Variants in FOXP2 observed in about 807,000 individuals in gnomAD.
The protein encoded by FOXP2 is forkhead box protein P2.
In FOXP2, 12 loss-of-function variants were observed where a neutral mutation model predicts 115.8. The ratio of observed to expected loss-of-function variants is 0.10; its 90% CI spans 0.07 to 0.17. The LOEUF is 0.17. Ranked by LOEUF, FOXP2 falls within the 10% of genes least tolerant of loss-of-function variation. The pLI, the probability that FOXP2 is intolerant of heterozygous loss-of-function variation, is 1.00. For synonymous variants in FOXP2, 328 were observed against 297.7 expected (o/e 1.10, Z -1.05); for missense variants, 629 against 843.5 (o/e 0.75, Z 3.15).
upstream of FOXP2, among the ~76,000 whole-genome samples, chr7:114,086,939 G>T (rs1799433047): frequency 6.6e-6 from 1 of 152,212 alleles, no homozygotes; most frequent in Admixed American, 6.5e-5. Flanking sequence ...AATGCAAAAT[G>T]TTGCTTCGTC....
chr7:114,549,836 A>C (rs1298586143), intron 3 of FOXP2, among the ~76,000 whole-genome samples: 3 of 152,204 alleles, frequency 2.0e-5, no homozygotes, highest in Non-Finnish European at 4.4e-5. Flanking sequence ...TACATTATAA[A>C]TGTGGAAAAC....
intron 1 of FOXP2, among the ~76,000 whole-genome samples, chr7:114,214,853 A>G (rs1033962428): frequency 2.0e-5 from 3 of 152,216 alleles, no homozygotes; most frequent in Admixed American, 2.0e-4. Flanking sequence ...AATGCCATCT[A>G]TTCTATGATG....
chr7:114,413,879 T>G (rs556511069), upstream of FOXP2, among the ~76,000 whole-genome samples: 27 of 152,208 alleles, frequency 1.8e-4, no homozygotes, highest in South Asian at 5.4e-3. Context: ...CAGTAACTGT[T>G]GTTTTGTCTC....
intron 2 of FOXP2, among the ~76,000 whole-genome samples, chr7:114,384,977 C>CT (rs36104170): frequency 0.046 from 6,831 of 148,748 alleles, 205 homozygotes; most frequent in Non-Finnish European, 0.065. Flanking sequence ...ATAGGGCACA[C>CT]TTTTTTTTTT....
At chr7:114,101,985 T>C (rs1790980339) in intron 1 of FOXP2, among the ~76,000 whole-genome samples, 2 of 151,584 alleles carry the variant, frequency 1.3e-5, no homozygotes, top group African/African-American at 4.8e-5. Flanking sequence ...ATCTCAGTTA[T>C]CTGATGATAA....
At chr7:114,587,235 A>G (rs1802185218) in intron 3 of FOXP2, among the ~76,000 whole-genome samples, 1 of 150,250 alleles carries the variant, frequency 6.7e-6, no homozygotes, top group Non-Finnish European at 1.5e-5. Context: ...CTTGCTCCCC[A>G]CCCCCTAACA....
intron 3 of FOXP2, among the ~76,000 whole-genome samples, chr7:114,569,512 A>T (rs1801186919): frequency 6.6e-6 from 1 of 151,954 alleles, no homozygotes; most frequent in Non-Finnish European, 1.5e-5. Flanking sequence ...CTTCAATTGG[A>T]GTCACACCCC....
At chr7:114,174,235 T>G (rs1212025468) in intron 1 of FOXP2, among the ~76,000 whole-genome samples, 4 of 152,050 alleles carry the variant, frequency 2.6e-5, no homozygotes, top group Admixed American at 1.3e-4. Flanking sequence ...GTCTTCTCTC[T>G]CTCTCTAACC....
intron 1 of FOXP2, among the ~76,000 whole-genome samples, chr7:114,090,447 T>C (rs2129138935): frequency 6.6e-6 from 1 of 152,018 alleles, no homozygotes; most frequent in South Asian, 2.1e-4. Flanking sequence ...AGAAAGCCTG[T>C]ATCTTAAAAT....
intron 2 of FOXP2, among the ~76,000 whole-genome samples, chr7:114,497,047 A>G (rs565650442): frequency 7.1e-4 from 108 of 152,302 alleles, no homozygotes; most frequent in Non-Finnish European, 1.4e-3. Flanking sequence ...GCAGAACTCA[A>G]TGGATCAAAG....
chr7:114,511,188 C>T (rs1347987315), intron 2 of FOXP2, among the ~76,000 whole-genome samples: 1 of 152,020 alleles, frequency 6.6e-6, no homozygotes, highest in African/African-American at 2.4e-5. Context: ...GGGAACATCA[C>T]CCACCAGGGC....
At chr7:114,381,407 A>C (rs1419004658) in intron 2 of FOXP2, among the ~76,000 whole-genome samples, 1 of 152,206 alleles carries the variant, frequency 6.6e-6, no homozygotes, top group East Asian at 1.9e-4. Context: ...CCGAAGGACA[A>C]GAGTGTCCAG....
Position 114,690,854 on chromosome 7 carries a change from A to T in FOXP2, c.*928A>T. ...TAGTACAAAGGAACCTTTTCCATGA[A>T]CTACCTGCTGTTTTCTGATGACCTC... On this transcript the variant is annotated 3_prime_UTR_variant, in exon 17 of 17. Transcript: ENST00000350908. 1 of 454,544 alleles carries T rather than the reference A, an allele frequency of 2.2e-6. No homozygotes were observed. The highest frequency in any genetic ancestry group is 4.4e-6 in the Non-Finnish European group (1 of 226,788). The allele number at this position is 454,544 out of a possible 1,614,324, so 28.2% of individuals were successfully genotyped here.
chr7:114,640,726 G>C (rs1584981499), intron 6 of FOXP2, among the ~76,000 whole-genome samples: 2 of 152,248 alleles, frequency 1.3e-5, no homozygotes, highest in Non-Finnish European at 2.9e-5. Flanking sequence ...TAATGTAGAT[G>C]TATGTTCGGT....
intron 1 of FOXP2, among the ~76,000 whole-genome samples, chr7:114,255,998 A>G (rs962011126): frequency 2.6e-5 from 4 of 152,160 alleles, no homozygotes; most frequent in African/African-American, 9.7e-5. Context: ...ACTAATTTAC[A>G]TTCCCACTCA....
chr7:114,277,840 C>G (rs1796226711), intron 1 of FOXP2, among the ~76,000 whole-genome samples: 1 of 151,398 alleles, frequency 6.6e-6, no homozygotes, highest in Admixed American at 6.6e-5. Flanking sequence ...CATGGTGAAA[C>G]CCCGTCTCTA....
At chr7:114,366,845 CT>C (rs1023776170) in intron 2 of FOXP2, among the ~76,000 whole-genome samples, 2 of 151,474 alleles carry the variant, frequency 1.3e-5, no homozygotes, top group African/African-American at 4.8e-5. Context: ...CACTATTAGA[CT>C]TTTTTTTTCT....
In FOXP2 at chr7:114,659,690, C is replaced by A. The variant is rs756419361; in HGVS notation, c.1647+17C>A. The A allele has an allele frequency of 1.3e-6, 2 of 1,594,078 alleles. No homozygotes were observed. The highest frequency in any genetic ancestry group is 8.6e-7 in the Non-Finnish European group (1 of 1,161,986). Reference sequence around the variant, plus strand: ...ACTTGGAAGGTAACTACTTTTCCAGCAGTTTTAAGATGCCTACCACAGTTC... The same window carrying A: ...ACTTGGAAGGTAACTACTTTTCCAGAAGTTTTAAGATGCCTACCACAGTTC... On this transcript the variant is annotated intron_variant, in intron 13 of 16. Coordinates refer to ENST00000350908, the MANE Select transcript of FOXP2 (RefSeq NM_014491.4).
chr7:114,128,812 T>C (rs1000282314), intron 1 of FOXP2, among the ~76,000 whole-genome samples: 4 of 152,110 alleles, frequency 2.6e-5, no homozygotes, highest in Admixed American at 2.0e-4. Flanking sequence ...AAAACCCAGT[T>C]AAAAGTCTTC....
Sources: gnomAD v4.1 joint callset for allele counts (sites outside exome capture counted in the v4.1 genomes callset) on GRCh38, gnomAD v4.1.1 for gene constraint, MANE v1.5 for transcripts, NCBI Gene and HGNC (gene_info 2026-07-23, HGNC 2026-07-21) for gene names.